PRKN: variants seen among roughly 807,000 people sequenced by gnomAD.
The protein encoded by PRKN is E3 ubiquitin-protein ligase parkin.
In PRKN, 56 loss-of-function variants were observed where a neutral mutation model predicts 59.5. That is an observed-to-expected ratio of 0.94 (90% confidence interval 0.76 to 1.18). The LOEUF (loss-of-function observed/expected upper bound fraction) is 1.18, where lower values mean the gene tolerates loss of function less well. Ranked by LOEUF, PRKN falls within the 50% of genes most tolerant of loss-of-function variation. The pLI is 0.00. For missense variants in PRKN, 657 were observed against 596.4 expected, an observed-to-expected ratio of 1.10 and a Z score of -1.06; for synonymous variants, 250 against 222.1, an observed-to-expected ratio of 1.13 and a Z score of -1.12.
chr6:162,102,560 TGGAGAC>T (rs1311553155), intron 4 of PRKN, among the ~76,000 whole-genome samples: 3 of 152,210 alleles, frequency 2.0e-5, no homozygotes, highest in Admixed American at 6.6e-5. Flanking sequence ...TGCTGCATTC[TGGAGAC>T]GACCTTCACT....
intron 1 of PRKN, among the ~76,000 whole-genome samples, chr6:162,477,106 G>A (rs1254466725): frequency 6.6e-6 from 1 of 152,160 alleles, no homozygotes; most frequent in Non-Finnish European, 1.5e-5. Flanking sequence ...TTGACTCTTT[G>A]AGGGAGTTAA....
intron 5 of PRKN, among the ~76,000 whole-genome samples, chr6:162,035,377 G>A (rs1344102586): frequency 1.3e-5 from 2 of 152,072 alleles, no homozygotes; most frequent in East Asian, 1.9e-4. Flanking sequence ...TATCCAAACT[G>A]TATCAACTAA....
chr6:162,704,435 T>C (rs1778268343), intron 1 of PRKN, among the ~76,000 whole-genome samples: 1 of 152,196 alleles, frequency 6.6e-6, no homozygotes, highest in African/African-American at 2.4e-5. Flanking sequence ...TTCACTGTTC[T>C]ATCTTGGGTT....
At chr6:162,706,765 T>C (rs953353096) in intron 1 of PRKN, among the ~76,000 whole-genome samples, 1 of 152,036 alleles carries the variant, frequency 6.6e-6, no homozygotes, top group Non-Finnish European at 1.5e-5. Context: ...TGTTTTTATC[T>C]ATTTCATTTT....
At chr6:161,714,687 A>G (rs1786898148) in intron 7 of PRKN, among the ~76,000 whole-genome samples, 3 of 152,254 alleles carry the variant, frequency 2.0e-5, no homozygotes, top group Admixed American at 1.3e-4. Context: ...AGAGAAAAAC[A>G]AAGACAACTT....
chr6:162,225,961 T>C (rs1246414577), intron 3 of PRKN, among the ~76,000 whole-genome samples: 1 of 147,926 alleles, frequency 6.8e-6, no homozygotes, highest in Non-Finnish European at 1.5e-5. Context: ...CCTAAACATA[T>C]ATGTTTAGGA....
intron 2 of PRKN, among the ~76,000 whole-genome samples, chr6:162,338,401 T>C (rs1172114308): frequency 1.3e-5 from 2 of 150,564 alleles, no homozygotes; most frequent in Non-Finnish European, 3.0e-5. Flanking sequence ...TGCCTGCTAC[T>C]GCAGGCACGC....
intron 4 of PRKN, among the ~76,000 whole-genome samples, chr6:162,068,549 T>TGTAATG (rs1778435120): frequency 2.0e-5 from 3 of 152,204 alleles, no homozygotes; most frequent in Admixed American, 2.0e-4. Context: ...TTAACTTCCT[T>TGTAATG]GCAGCTGTCA....
Position 161,405,970 on chromosome 6 carries a change from C to T in PRKN, c.1084-19093G>A, listed in dbSNP as rs921275332. Among the ~76,000 whole-genome samples the T allele has an allele frequency of 6.6e-6, 1 of 152,148 alleles. No individual in the cohort carries two copies. The highest frequency in any genetic ancestry group is 2.4e-5 in the African/African-American group (1 of 41,426). On this transcript the variant is annotated intron_variant, in intron 9 of 11. Transcript: ENST00000366898. This position sits in a 1 kb window ranked among gnomAD's most constrained non-coding sequence, Gnocchi z 5.1. ...ATCTAAAATAAACATATATCTGACACTGGCTCAGCATGGGAGTAAACCCAC... is the reference window on the plus strand; with the variant it reads ...ATCTAAAATAAACATATATCTGACATTGGCTCAGCATGGGAGTAAACCCAC...
rs1446060087 is a variant in PRKN, at chr6:161,400,928, A to G, written c.1084-14051T>C. 6.6e-6 allele frequency among the ~76,000 whole-genome samples: 1 copy of G among 152,160 alleles called. No homozygotes were observed. Among genetic ancestry groups the G allele is most frequent in the African/African-American group, 2.4e-5 (1 of 41,428 alleles). On this transcript the variant is annotated intron_variant, in intron 9 of 11. Transcript: ENST00000366898. The surrounding 1 kb of genome is among the most constrained non-coding windows in gnomAD (Gnocchi z 4.2). The stretch of plus-strand genomic sequence containing the variant: ...ATTTACTTGTTTGCACACTTTGTCA[A>G]ATCTTGGACCAGGGACAGATAGCGT...
At chr6:161,991,712 G>A (rs1781654709) in intron 5 of PRKN, among the ~76,000 whole-genome samples, 1 of 151,916 alleles carries the variant, frequency 6.6e-6, no homozygotes, top group Admixed American at 6.6e-5. Flanking sequence ...GAGTGGTGGT[G>A]GGTACCTGTG....
At chr6:162,619,759 C>T (rs1204986157) in intron 1 of PRKN, among the ~76,000 whole-genome samples, 1 of 152,060 alleles carries the variant, frequency 6.6e-6, no homozygotes, top group East Asian at 1.9e-4. Flanking sequence ...AGCAGGCCGA[C>T]TGAAGCATGT....
rs138911423 is a variant in PRKN at position 162,710,374 on chromosome 6, AACACACACAC to A, written c.7+17278_7+17287del. Among the ~76,000 whole-genome samples the A allele has an allele frequency of 8.7e-3, 1,090 of 125,296 alleles. 13 individuals carry two copies. Among genetic ancestry groups the A allele is most frequent in the African/African-American group, 0.034 (993 of 29,236 alleles). The allele number at this position is 125,296 out of a possible 152,430, so 82.2% of individuals were successfully genotyped here. A position where few individuals can be genotyped will look rare whatever the true frequency, so the allele number is the denominator to read the frequency against. On this transcript the variant is annotated intron_variant, in intron 1 of 11. Coordinates refer to ENST00000366898, the MANE Select transcript of PRKN (RefSeq NM_004562.3). ...CAGAAAGCCCCTGGCACCCCCTACA[AACACACACAC>A]ACACACACACACACACACACACACA...
chr6:162,286,988 T>C (rs1562641935), intron 2 of PRKN, among the ~76,000 whole-genome samples: 1 of 152,158 alleles, frequency 6.6e-6, no homozygotes, highest in Admixed American at 6.5e-5. Context: ...AATTAACACA[T>C]CTAAATTTTG....
At chr6:162,450,627 C>G (rs1220595326) in intron 1 of PRKN, among the ~76,000 whole-genome samples, 1 of 152,086 alleles carries the variant, frequency 6.6e-6, no homozygotes, top group Non-Finnish European at 1.5e-5. Context: ...ACACATAAGC[C>G]CAGTCTAATC....
At chr6:161,683,641 G>C (rs771163551) in intron 7 of PRKN, among the ~76,000 whole-genome samples, 18 of 152,214 alleles carry the variant, frequency 1.2e-4, no homozygotes, top group Non-Finnish European at 2.4e-4. Flanking sequence ...GCTTGGCAGG[G>C]TGGTGTGGGG....
intron 9 of PRKN, among the ~76,000 whole-genome samples, chr6:161,433,399 T>A (rs1415705339): frequency 1.2e-5 from 1 of 81,934 alleles, no homozygotes; most frequent in Non-Finnish European, 2.7e-5. Flanking sequence ...CTACTAATAA[T>A]TAATTTTAAT....
chr6:162,609,388 TAAAC>T (rs1321332063), intron 1 of PRKN, among the ~76,000 whole-genome samples: 1 of 152,212 alleles, frequency 6.6e-6, no homozygotes, highest in African/African-American at 2.4e-5. Flanking sequence ...AATTAGAAAT[TAAAC>T]AGAAAAGAAT....
At position 161,499,069 on chromosome 6, in the gene PRKN, G is replaced by A. The variant is rs116832154; in HGVS notation, c.1083+49785C>T. Among the ~76,000 whole-genome samples the A allele has an allele frequency of 3.3e-3, 500 of 151,748 alleles. 5 individuals carry two copies. The highest frequency in any genetic ancestry group is 0.011 in the African/African-American group (470 of 41,338). On this transcript the variant is annotated intron_variant, in intron 9 of 11. Coordinates refer to ENST00000366898, the MANE Select transcript of PRKN (RefSeq NM_004562.3). This position sits in a 1 kb window ranked among gnomAD's most constrained non-coding sequence, Gnocchi z 4.2. ...TAGTCCAAACCAACCTTCCCAGCTA[G>A]GGTTTCGTTCAAAGGTCACAACTGG...
Sources: gnomAD v4.1 joint callset for allele counts (sites outside exome capture counted in the v4.1 genomes callset) on GRCh38, gnomAD v4.1.1 for gene constraint, Gnocchi (gnomAD v3.1) non-coding constraint, MANE v1.5 for transcripts, NCBI Gene and HGNC (gene_info 2026-07-23, HGNC 2026-07-21) for gene names.